ATOSA: variants seen among roughly 807,000 people sequenced by gnomAD.
The protein encoded by ATOSA is atos homolog A, also known as atos homolog protein A.
the ATOSA span, among the ~76,000 whole-genome samples, chr15:52,625,355 A>T: frequency 6.6e-6 from 1 of 152,154 alleles, no homozygotes. Context: ...TATAAGTGAA[A>T]GCAATTTTAT....
At chr15:52,668,029 A>G in the ATOSA span, among the ~76,000 whole-genome samples, 1 of 152,270 alleles carries the variant, frequency 6.6e-6, no homozygotes, top group Non-Finnish European at 1.5e-5. Context: ...AGACAGAACT[A>G]CCATATCATC....
the ATOSA span, chr15:52,658,703 T>C: frequency 2.6e-6 from 1 of 392,148 alleles, no homozygotes. Context: ...TGGTGGCTCA[T>C]GCTTGTAATT....
chr15:52,645,004 G>C, the ATOSA span, among the ~76,000 whole-genome samples: 1 of 152,330 alleles, frequency 6.6e-6, no homozygotes, highest in South Asian at 2.1e-4. Flanking sequence ...GTAGAAAAAA[G>C]AAGTATTTGA....
At chr15:52,672,877 C>A in the ATOSA span, among the ~76,000 whole-genome samples, 1 of 152,136 alleles carries the variant, frequency 6.6e-6, no homozygotes, top group South Asian at 2.1e-4. Context: ...GGTATCTCTA[C>A]GTCAACCCCT....
chr15:52,674,840 C>T, the ATOSA span, among the ~76,000 whole-genome samples: 3 of 150,810 alleles, frequency 2.0e-5, no homozygotes, highest in Admixed American at 1.3e-4. Flanking sequence ...AGTATATAAG[C>T]ATTTGTAATG....
chr15:52,605,970 C>T, the ATOSA span, among the ~76,000 whole-genome samples: 2 of 151,862 alleles, frequency 1.3e-5, no homozygotes, highest in Non-Finnish European at 1.5e-5. Context: ...TAATAAAATA[C>T]AATTATAATA....
At chr15:52,659,250 A>G in the ATOSA span, among the ~76,000 whole-genome samples, 6 of 152,218 alleles carry the variant, frequency 3.9e-5, no homozygotes, top group Non-Finnish European at 8.8e-5. Context: ...CTTCTAGCAC[A>G]TATGTGCCAG....
At chr15:52,708,184 T>A in the ATOSA span, among the ~76,000 whole-genome samples, 3 of 152,210 alleles carry the variant, frequency 2.0e-5, no homozygotes, top group African/African-American at 7.2e-5. Flanking sequence ...ACTTTCAGCA[T>A]CTTGGGAGAC....
At chr15:52,659,841 A>G in the ATOSA span, among the ~76,000 whole-genome samples, 1 of 152,074 alleles carries the variant, frequency 6.6e-6, no homozygotes, top group Non-Finnish European at 1.5e-5. Flanking sequence ...ACCTGTCTCT[A>G]AAAAGAAAAA....
the ATOSA span, among the ~76,000 whole-genome samples, chr15:52,602,131 A>G: frequency 6.6e-6 from 1 of 151,930 alleles, no homozygotes; most frequent in Admixed American, 6.5e-5. Context: ...TTTGTGCTTC[A>G]TTCTAGGTGC....
chr15:52,619,934 G>A, the ATOSA span, among the ~76,000 whole-genome samples: 1 of 152,066 alleles, frequency 6.6e-6, no homozygotes, highest in Non-Finnish European at 1.5e-5. Flanking sequence ...AGGCTATGAA[G>A]GACAGATCAC....
At chr15:52,697,816 A>C in the ATOSA span, among the ~76,000 whole-genome samples, 1 of 152,022 alleles carries the variant, frequency 6.6e-6, no homozygotes, top group Non-Finnish European at 1.5e-5. Flanking sequence ...AAGTGGTCAA[A>C]ATTATGAAAT....
At chr15:52,700,821 A>G in the ATOSA span, among the ~76,000 whole-genome samples, 3 of 152,230 alleles carry the variant, frequency 2.0e-5, no homozygotes, top group African/African-American at 7.2e-5. Context: ...ATTTACCTCA[A>G]CATATATTTA....
chr15:52,690,119 T>G, the ATOSA span, among the ~76,000 whole-genome samples: 2 of 152,388 alleles, frequency 1.3e-5, no homozygotes, highest in East Asian at 3.9e-4. Flanking sequence ...TGAAAATATC[T>G]AATACAATTT....
At chr15:52,630,117 T>A in the ATOSA span, among the ~76,000 whole-genome samples, 6 of 152,158 alleles carry the variant, frequency 3.9e-5, no homozygotes, top group Non-Finnish European at 8.8e-5. Context: ...CTTTCAAACA[T>A]CCCAAAGTAG....
the ATOSA span, among the ~76,000 whole-genome samples, chr15:52,632,578 C>T: frequency 7.4e-3 from 1,120 of 152,150 alleles, 13 homozygotes; most frequent in African/African-American, 0.026. Flanking sequence ...GGACTCTGCC[C>T]TTTGATTTTT....
chr15:52,687,612 T>A, the ATOSA span, among the ~76,000 whole-genome samples: 1 of 152,332 alleles, frequency 6.6e-6, no homozygotes, highest in Non-Finnish European at 1.5e-5. Flanking sequence ...TGGAAGCTAT[T>A]CTTCACAGAT....
chr15:52,667,296 CT>C, the ATOSA span, among the ~76,000 whole-genome samples: 3 of 152,120 alleles, frequency 2.0e-5, no homozygotes, highest in East Asian at 5.8e-4. Context: ...TTATCATATT[CT>C]TATGGCATAC....
the ATOSA span, among the ~76,000 whole-genome samples, chr15:52,650,982 T>G: frequency 3.0e-4 from 45 of 152,310 alleles, no homozygotes; most frequent in African/African-American, 8.4e-4. Flanking sequence ...ACTTTAAAAC[T>G]TTCCTATAAT....
Sources: gnomAD v4.1 joint callset for allele counts (sites outside exome capture counted in the v4.1 genomes callset) on GRCh38, gnomAD v4.1.1 for gene constraint, MANE v1.5 for transcripts, NCBI Gene and HGNC (gene_info 2026-07-23, HGNC 2026-07-21) for gene names.